SNX25: variants seen among roughly 807,000 people sequenced by gnomAD.
SNX25 encodes the protein sorting nexin 25, also known as sorting nexin-25.
A neutral mutation model predicts 113.7 loss-of-function variants in SNX25; 62 were observed. The observed-to-expected ratio is 0.55, with a 90% CI of 0.44 to 0.67. The LOEUF is 0.67. Ranked by LOEUF, SNX25 falls within the 30% of genes least tolerant of loss-of-function variation. SNX25 has a pLI of 0.00. For missense variants in SNX25, 1,014 were observed against 1,161.0 expected (o/e 0.87, Z 1.84); for synonymous variants, 421 against 436.2 (o/e 0.97, Z 0.43).
intron 16 of SNX25, among the ~76,000 whole-genome samples, chr4:185,359,838 A>G (rs971686345): frequency 2.6e-5 from 4 of 152,220 alleles, no homozygotes; most frequent in Non-Finnish European, 5.9e-5. Flanking sequence ...TGAGTGGTGC[A>G]TACATCGGGC....
At chr4:185,301,331 T>TC (rs1753645255) in intron 6 of SNX25, among the ~76,000 whole-genome samples, 1 of 152,080 alleles carries the variant, frequency 6.6e-6, no homozygotes, top group Non-Finnish European at 1.5e-5. Flanking sequence ...CCGCACCCCT[T>TC]CCCCCGTACC....
At chr4:185,370,536 A>G, downstream of SNX25, 1 of 1,167,688 alleles carries the variant, frequency 8.6e-7, no homozygotes, top group Non-Finnish European at 1.2e-6. Context: ...TTATCTGCAC[A>G]GTAATTGAGT....
At chr4:185,375,807 G>T in the SNX25 span, 1 of 789,116 alleles carries the variant, frequency 1.3e-6, no homozygotes, top group Non-Finnish European at 2.0e-6. Flanking sequence ...TCAAGTGTTT[G>T]TGCCCAAGTT....
intron 12 of SNX25, among the ~76,000 whole-genome samples, chr4:185,343,539 C>G (rs867368920): frequency 2.0e-5 from 3 of 152,248 alleles, no homozygotes; most frequent in South Asian, 4.1e-4. Flanking sequence ...GGAGGGAAAC[C>G]GATCCCAGAG....
At chr4:185,237,550 A>G (rs1742823171) in intron 1 of SNX25, among the ~76,000 whole-genome samples, 1 of 151,896 alleles carries the variant, frequency 6.6e-6, no homozygotes, top group African/African-American at 2.4e-5. Context: ...ATTTGTTGGA[A>G]GTTGGTAAAC....
intron 5 of SNX25, among the ~76,000 whole-genome samples, chr4:185,270,439 T>G (rs1041909277): frequency 2.0e-5 from 3 of 152,248 alleles, no homozygotes; most frequent in Non-Finnish European, 4.4e-5. Flanking sequence ...AGCACCTGGG[T>G]GCCCTGGGAA....
At chr4:185,220,906 T>C (rs10222750) in intron 1 of SNX25, among the ~76,000 whole-genome samples, 98,954 of 152,068 alleles carry the variant, frequency 0.65, 32,283 homozygotes, top group East Asian at 0.74. Context: ...CTCTGTTGCC[T>C]AGGCTGAAGT....
chr4:185,319,881 A>G (rs1220156600), intron 7 of SNX25, among the ~76,000 whole-genome samples: 1 of 152,224 alleles, frequency 6.6e-6, no homozygotes, highest in Non-Finnish European at 1.5e-5. Flanking sequence ...TTTTCAGCTC[A>G]GCATCACTGA....
intron 9 of SNX25, 62 bp downstream of exon 9, chr4:185,323,862 G>T: frequency 6.4e-7 from 1 of 1,570,578 alleles, no homozygotes; most frequent in East Asian, 2.3e-5. Context: ...TGTTTAAGTG[G>T]GTGCATATTG....
chr4:185,365,586 C>T (rs2095384373), downstream of SNX25: 3 of 151,648 alleles, frequency 2.0e-5, no homozygotes, highest in African/African-American at 7.3e-5. Context: ...AAACTCCTGA[C>T]CTCATGATCT....
chr4:185,285,058 C>G (rs1751150796), intron 5 of SNX25, among the ~76,000 whole-genome samples: 1 of 152,052 alleles, frequency 6.6e-6, no homozygotes, highest in Non-Finnish European at 1.5e-5. Flanking sequence ...GATAAAACAG[C>G]TTAGAAAAAG....
At chr4:185,224,489 A>C (rs1441576061) in intron 1 of SNX25, among the ~76,000 whole-genome samples, 13,357 of 85,428 alleles carry the variant, frequency 0.16, 762 homozygotes, top group Non-Finnish European at 0.19. Flanking sequence ...ATAGATATAT[A>C]AATAGATATA....
intron 14 of SNX25, chr4:185,353,174 TAA>T (rs2095323991): frequency 9.8e-6 from 2 of 203,994 alleles, no homozygotes; most frequent in Non-Finnish European, 1.9e-5. Context: ...AAATAAAAAA[TAA>T]GTTAAAAGCC....
At chr4:185,256,782 C>A (rs903518170) in intron 2 of SNX25, among the ~76,000 whole-genome samples, 2 of 151,744 alleles carry the variant, frequency 1.3e-5, no homozygotes, top group African/African-American at 4.8e-5. Context: ...CACCACCACA[C>A]CCGGCTAATT....
At chr4:185,298,392 A>G (rs1753152574) in intron 6 of SNX25, among the ~76,000 whole-genome samples, 1 of 152,070 alleles carries the variant, frequency 6.6e-6, no homozygotes, top group South Asian at 2.1e-4. Flanking sequence ...CCTGACCTAT[A>G]GTAACTTCTT....
downstream of SNX25, chr4:185,374,163 G>A (rs145603170): frequency 1.7e-5 from 28 of 1,613,998 alleles, no homozygotes; most frequent in Non-Finnish European, 2.1e-5. Flanking sequence ...CTCCTTGGTT[G>A]AGTAATACAG....
intron 5 of SNX25, among the ~76,000 whole-genome samples, chr4:185,268,719 C>G (rs912606673): frequency 1.3e-5 from 2 of 152,062 alleles, no homozygotes; most frequent in Non-Finnish European, 2.9e-5. Flanking sequence ...TTTTCTGATT[C>G]GAATAAAGCA....
chr4:185,377,340 G>A, the SNX25 span: 116 of 231,544 alleles, frequency 5.0e-4, no homozygotes, highest in Non-Finnish European at 1.1e-4. Context: ...CCAACATGGA[G>A]AAACCCCGTC....
chr4:185,329,385 C>T (rs531429416), intron 9 of SNX25, among the ~76,000 whole-genome samples: 12 of 151,952 alleles, frequency 7.9e-5, no homozygotes, highest in Non-Finnish European at 1.3e-4. Context: ...GAGAAGAGGC[C>T]GAGGGTGTCT....
Sources: gnomAD v4.1 joint callset for allele counts (sites outside exome capture counted in the v4.1 genomes callset) on GRCh38, gnomAD v4.1.1 for gene constraint, MANE v1.5 for transcripts, NCBI Gene and HGNC (gene_info 2026-07-23, HGNC 2026-07-21) for gene names.